Variants in MSANTD2 observed in about 807,000 individuals in gnomAD.
MSANTD2 encodes myb/SANT-like DNA-binding domain-containing protein 2.
Under a neutral mutation model 52.6 loss-of-function variants are expected in MSANTD2, and 19 were observed. The observed-to-expected ratio is 0.36, with a 90% CI of 0.25 to 0.53. The LOEUF is 0.53. MSANTD2 is among the 20% of genes least tolerant of loss of function. The pLI is 0.91. For missense variants in MSANTD2, 558 were observed against 716.3 expected (o/e 0.78, Z 2.52); for synonymous variants, 291 against 289.7 (o/e 1.00, Z -0.04).
rs573260380 is a variant in MSANTD2, at chr11:124,800,361, G to C, written c.20C>G (p.Ser7Trp). The C allele has an allele frequency of 6.5e-7, 1 of 1,538,124 alleles. No individual in the cohort carries two copies. Among genetic ancestry groups the C allele is most frequent in the Non-Finnish European group, 8.7e-7 (1 of 1,143,606 alleles). MAAPCG[S>W]ELPANSPLKI... Reference sequence around the variant, plus strand: ...TAGCGGCGAGTTGGCGGGCAGCTCCGAGCCACAGGGCGCAGCCATCTTCCA... The same window carrying C: ...TAGCGGCGAGTTGGCGGGCAGCTCCCAGCCACAGGGCGCAGCCATCTTCCA... The change falls in exon 1 of 4, where the codon TCG becomes TGG. Residue 7 changes from serine (S) to tryptophan (W), a missense_variant. Ser to Trp is a radical substitution (Grantham distance 177, BLOSUM62 -3). This residue lies in a region of MSANTD2 where 150 missense variants were observed against 142.7 expected (regional missense o/e 1.05). Transcript: ENST00000374979. The surrounding 1 kb of genome is among the most constrained non-coding windows in gnomAD (Gnocchi z 4.3).
intron 1 of MSANTD2, among the ~76,000 whole-genome samples, chr11:124,788,621 C>G (rs1228308637): frequency 6.6e-6 from 1 of 152,164 alleles, no homozygotes; most frequent in East Asian, 1.9e-4. Flanking sequence ...AACTGTATAA[C>G]AGAGAAGGGA....
chr11:124,768,062 T>C (rs1233895656), intron 3 of MSANTD2, 34 bp from the exon 4 acceptor site: 5 of 1,568,368 alleles, frequency 3.2e-6, no homozygotes, highest in Non-Finnish European at 4.3e-6. Flanking sequence ...ATTCCCTAAG[T>C]ATCTAGAACA....
At chr11:124,784,372 A>G (rs1485878378) in intron 1 of MSANTD2, 2 of 985,042 alleles carry the variant, frequency 2.0e-6, no homozygotes, top group African/African-American at 3.5e-5. Flanking sequence ...CAAGAAAATT[A>G]TCTAAAATAT....
chr11:124,766,689 CTT>C lies in MSANTD2; in HGVS notation c.*485_*486del, dbSNP rs1044313983. The C allele has an allele frequency of 5.2e-5, 8 of 152,876 alleles. No homozygotes were observed. The highest frequency in any genetic ancestry group is 1.9e-4 in the African/African-American group (8 of 41,402). The allele number at this position is 152,876 out of a possible 1,614,324, so 9.5% of individuals were successfully genotyped here. On this transcript the variant is annotated 3_prime_UTR_variant, in exon 4 of 4. Transcript: ENST00000374979. ...TAGCTAAGGGTGATATTGAAAAAGTCTTTTTAACTGTGAATCAAGATTTAACT... is the reference window on the plus strand; with the variant it reads ...TAGCTAAGGGTGATATTGAAAAAGTCTTTAACTGTGAATCAAGATTTAACT...
chr11:124,770,731 G>A (rs912318820), intron 3 of MSANTD2, among the ~76,000 whole-genome samples: 3 of 151,016 alleles, frequency 2.0e-5, no homozygotes, highest in Non-Finnish European at 2.9e-5. Flanking sequence ...TCAGCCTCCC[G>A]AGTAGCTGGG....
intron 3 of MSANTD2, among the ~76,000 whole-genome samples, chr11:124,769,933 T>C (rs1415123706): frequency 6.6e-6 from 1 of 152,226 alleles, no homozygotes; most frequent in African/African-American, 2.4e-5. Context: ...AGGCTGGATA[T>C]TTCCTCAGAG....
chr11:124,767,086 C>T lies in MSANTD2; in HGVS notation c.*90G>A, dbSNP rs144484058. On this transcript the variant is annotated 3_prime_UTR_variant, in exon 4 of 4. Coordinates refer to ENST00000374979, the MANE Select transcript of MSANTD2 (RefSeq NM_001308027.2). This position sits in a 1 kb window ranked among gnomAD's most constrained non-coding sequence, Gnocchi z 6.5. ...GAAAGGGTTTCCATGAAGAGTCTGA[C>T]GGCGGCATCTGGATGAGGGGTGGTC... 6.8e-4 allele frequency: 871 copies of T among 1,290,322 alleles called. 1 individual carries two copies. Among genetic ancestry groups the T allele is most frequent in the Middle Eastern group, 2.2e-3 (8 of 3,606 alleles). The allele number at this position is 1,290,322 out of a possible 1,614,324, so 79.9% of individuals were successfully genotyped here.
intron 3 of MSANTD2, among the ~76,000 whole-genome samples, chr11:124,772,016 GA>G (rs1218751964): frequency 1.3e-5 from 2 of 152,160 alleles, no homozygotes; most frequent in African/African-American, 4.8e-5. Flanking sequence ...CTATTAAAAA[GA>G]ACCACAAATA....
chr11:124,772,988 A>G lies in MSANTD2; in HGVS notation c.827+6T>C. 1 of 1,552,982 alleles carries G rather than the reference A, an allele frequency of 6.4e-7. No individual in the cohort carries two copies. The highest frequency in any genetic ancestry group is 8.9e-7 in the Non-Finnish European group (1 of 1,124,862). On this transcript the variant is annotated splice_donor_region_variant and intron_variant, in intron 3 of 3. Coordinates refer to ENST00000374979, the MANE Select transcript of MSANTD2 (RefSeq NM_001308027.2). ...CACTTTCTGGAAAGGTGAAGCATCT[A>G]CTTACTGTGCTTCTTCAGAAGACTC...
At chr11:124,787,542 G>A (rs180928811) in intron 1 of MSANTD2, among the ~76,000 whole-genome samples, 260 of 152,162 alleles carry the variant, frequency 1.7e-3, no homozygotes, top group African/African-American at 5.5e-3. Flanking sequence ...CACCAAACCC[G>A]GCTAATTTTT....
chr11:124,789,782 T>G (rs1345137948), intron 1 of MSANTD2: 2 of 152,222 alleles, frequency 1.3e-5, no homozygotes, highest in African/African-American at 4.8e-5. Context: ...CTGCATTGAT[T>G]AGGAACTCCA....
chr11:124,787,140 A>T (rs973980837), intron 1 of MSANTD2, among the ~76,000 whole-genome samples: 15 of 152,228 alleles, frequency 9.9e-5, no homozygotes, highest in Non-Finnish European at 2.1e-4. Flanking sequence ...TATAATTATT[A>T]CAAAAATGAT....
At chr11:124,770,814 C>T (rs1470141288) in intron 3 of MSANTD2, among the ~76,000 whole-genome samples, 11 of 148,458 alleles carry the variant, frequency 7.4e-5, no homozygotes, top group Non-Finnish European at 4.4e-5. Flanking sequence ...GAGTCTTGCA[C>T]CTGCGTGTCC....
chr11:124,767,981 T>C lies in MSANTD2; in HGVS notation c.875A>G (p.Gln292Arg). The change falls in exon 4 of 4, where the codon CAG (glutamine) becomes CGG (arginine). Residue 292 changes from glutamine to arginine, a missense_variant. Coordinates refer to ENST00000374979, the MANE Select transcript of MSANTD2 (RefSeq NM_001308027.2). The surrounding 1 kb of genome is among the most constrained non-coding windows in gnomAD (Gnocchi z 6.5). Reference sequence around the variant, plus strand: ...GCTCTGAAAAAGTTCCCATTTCAACTGTACCGATTCCAAAATCTGTACAAT... The same window carrying C: ...GCTCTGAAAAAGTTCCCATTTCAACCGTACCGATTCCAAAATCTGTACAAT... ...QNIVQILESV[Q>R]LKWELFQSWT... 6.2e-7 allele frequency: 1 copy of C among 1,613,470 alleles called. No individual in the cohort carries two copies. The highest frequency in any genetic ancestry group is 1.1e-5 in the South Asian group (1 of 90,992).
At position 124,793,150 on chromosome 11, in the gene MSANTD2, C is replaced by T. The variant is rs573091121; in HGVS notation, c.510+6721G>A. Among the ~76,000 whole-genome samples, 4 of 152,154 alleles carry T rather than the reference C, an allele frequency of 2.6e-5. No homozygotes were observed. The South Asian group carries it at 8.3e-4, about 32-fold the overall frequency. On this transcript the variant is annotated intron_variant, in intron 1 of 3. Coordinates refer to ENST00000374979, the MANE Select transcript of MSANTD2 (RefSeq NM_001308027.2). Reference sequence around the variant, plus strand: ...TATTGTTTAAGTTATCAATCCTGGCCCCTGAATTTAGAATAACAAAAACAA... The same window carrying T: ...TATTGTTTAAGTTATCAATCCTGGCTCCTGAATTTAGAATAACAAAAACAA...
chr11:124,794,401 C>T (rs115645496), intron 1 of MSANTD2, among the ~76,000 whole-genome samples: 325 of 152,282 alleles, frequency 2.1e-3, no homozygotes, highest in African/African-American at 7.5e-3. Flanking sequence ...GGATACACAT[C>T]AAGCATCTGT....
rs1467381061 is a variant in MSANTD2, at chr11:124,799,956, C to G, written c.425G>C (p.Gly142Ala). Residue 142 changes from glycine (G) to alanine (A), a missense_variant, in exon 1 of 4, where the codon GGG (glycine) becomes GCG (alanine). By Grantham distance (60) the Gly-to-Ala change is moderately conservative. Around this residue, in one of 2 missense-constraint regions of MSANTD2, gnomAD observed 408 missense variants for 573.6 expected, o/e 0.71. Coordinates refer to ENST00000374979, the MANE Select transcript of MSANTD2 (RefSeq NM_001308027.2). ...GGACACGCGCTCGTACATGGCTGGC[C>G]CGGGGGCCTTGCTGCCGAACACCGT... ...AGTVFGSKAP[G>A]PAMYERVSRA... The G allele has an allele frequency of 6.3e-7, 1 of 1,585,456 alleles. No individual in the cohort carries two copies. The highest frequency in any genetic ancestry group is 8.5e-7 in the Non-Finnish European group (1 of 1,174,770).
chr11:124,782,311 G>T (rs1945006264), intron 1 of MSANTD2, among the ~76,000 whole-genome samples: 1 of 152,036 alleles, frequency 6.6e-6, no homozygotes. Context: ...ATTAGTCTGG[G>T]TGTGGTGGTG....
chr11:124,781,183 CAA>C (rs373484883), intron 1 of MSANTD2, among the ~76,000 whole-genome samples: 48 of 62,938 alleles, frequency 7.6e-4, no homozygotes, highest in African/African-American at 1.3e-3. Flanking sequence ...GTCTCTGTCT[CAA>C]AAAAAAAAAA....
Sources: allele counts gnomAD v4.1 joint callset (sites outside exome capture counted in the v4.1 genomes callset), GRCh38; gene constraint gnomAD v4.1.1; regional missense constraint gnomAD v4.1.1; non-coding constraint Gnocchi (gnomAD v3.1); transcripts MANE v1.5; gene names NCBI Gene and HGNC (gene_info 2026-07-23, HGNC 2026-07-21).